The following DNMBP variants were observed in gnomAD, a reference collection of about 807,000 sequenced individuals.
DNMBP encodes the protein dynamin binding protein.
DNMBP carries 87 observed loss-of-function variants against 150.0 expected under a neutral mutation model. The ratio of observed to expected loss-of-function variants is 0.58; its 90% confidence interval spans 0.49 to 0.69. DNMBP has a LOEUF of 0.69. Ranked by LOEUF, DNMBP falls within the 30% of genes least tolerant of loss-of-function variation. The pLI is 0.00. For missense variants in DNMBP, 1,774 were observed against 1,949.0 expected, an observed-to-expected ratio of 0.91 and a Z score of 1.69; for synonymous variants, 711 against 750.4, an observed-to-expected ratio of 0.95 and a Z score of 0.86.
At chr10:99,918,127 A>T (rs971193997) in intron 4 of DNMBP, among the ~76,000 whole-genome samples, 11 of 152,064 alleles carry the variant, frequency 7.2e-5, no homozygotes, top group African/African-American at 2.7e-4. Context: ...ACACGTGCTC[A>T]TCTTCTCCCC....
At chr10:99,910,484 G>A (rs937212754) in intron 4 of DNMBP, among the ~76,000 whole-genome samples, 2 of 152,182 alleles carry the variant, frequency 1.3e-5, no homozygotes, top group Non-Finnish European at 1.5e-5. Flanking sequence ...AGGTTGCAGC[G>A]ACACGAGATA....
At position 100,007,155 on chromosome 10, in the gene DNMBP, C is replaced by T. The variant is rs552801836; in HGVS notation, c.-11+2683G>A. Among the ~76,000 whole-genome samples the T allele has an allele frequency of 2.0e-5, 3 of 152,020 alleles. No individual in the cohort carries two copies. In the South Asian group the frequency reaches 6.2e-4, roughly 32 times the overall value. The stretch of plus-strand genomic sequence containing the variant: ...TATCTCAGTAGAGGCTTTATTTGAC[C>T]CCTCTATATAAAAAGTAAATCCCCT... On this transcript the variant is annotated intron_variant, in intron 1 of 16. Transcript: ENST00000324109.
In DNMBP at chr10:99,894,930, T is replaced by G; in HGVS notation, c.3156+16A>C. The G allele has an allele frequency of 6.4e-7, 1 of 1,559,002 alleles. No individual in the cohort carries two copies. Among genetic ancestry groups the G allele is most frequent in the Non-Finnish European group, 8.8e-7 (1 of 1,130,090 alleles). On this transcript the variant is annotated intron_variant, in intron 11 of 16. Coordinates refer to ENST00000324109, the MANE Select transcript of DNMBP (RefSeq NM_015221.4). ...ACATCGTATGTTAATCTAACTACAG[T>G]GATGTTGATGCTCACCCGGATGTGC...
chr10:99,939,121 C>CAA (rs879724371), intron 4 of DNMBP, among the ~76,000 whole-genome samples: 1 of 141,364 alleles, frequency 7.1e-6, no homozygotes, highest in African/African-American at 2.6e-5. Flanking sequence ...AAAAGTGTGC[C>CAA]AAAAAAAAAA....
Position 99,956,525 on chromosome 10 carries a change from G to A in DNMBP, c.949C>T (p.Leu317Phe). ...AAAGAAGTTTCCGGGATCCTGGCAA[G>A]GCTGCCTTCCTGGGGCAGAGCCATG... ...ETMALPQEGS[L>F]ARIPETSLDC... is the part of the protein sequence containing the mutation. Residue 317 changes from leucine to phenylalanine, a missense_variant, in exon 4 of 17, where the codon CTT becomes TTT. Leu to Phe is a conservative substitution (Grantham distance 22). This residue lies in a region of DNMBP where 344 missense variants were observed against 456.6 expected (regional missense o/e 0.75). Coordinates refer to ENST00000324109, the MANE Select transcript of DNMBP (RefSeq NM_015221.4). 6.2e-7 allele frequency: 1 copy of A among 1,614,112 alleles called. No individual in the cohort carries two copies. The highest frequency in any genetic ancestry group is 8.5e-7 in the Non-Finnish European group (1 of 1,180,014).
Position 99,919,508 on chromosome 10 carries a change from A to G in DNMBP, c.2261-10362T>C, listed in dbSNP as rs570050124. ...ATTATAATCGTTTAAAGTTTTAATT[A>G]TAGGCTGGGTGCTGTGACTCACGCC... On this transcript the variant is annotated intron_variant, in intron 4 of 16. Transcript: ENST00000324109. Among the ~76,000 whole-genome samples the G allele has an allele frequency of 8.5e-5, 13 of 152,346 alleles. No individual in the cohort carries two copies. In the South Asian group the frequency reaches 2.1e-3, roughly 24 times the overall value.
chr10:99,986,582 A>G (rs10786580), intron 1 of DNMBP, among the ~76,000 whole-genome samples: 62,430 of 137,456 alleles, frequency 0.45, 15,317 homozygotes, highest in African/African-American at 0.62. Flanking sequence ...GAGACAGAGC[A>G]AGACTCCGTC....
chr10:100,000,869 A>AC (rs2041000733), intron 1 of DNMBP, among the ~76,000 whole-genome samples: 1 of 145,898 alleles, frequency 6.9e-6, no homozygotes, highest in Non-Finnish European at 1.5e-5. Flanking sequence ...CAAAAAAAAA[A>AC]AAAAAAAAAA....
intron 4 of DNMBP, chr10:99,929,793 C>A: frequency 1.4e-6 from 1 of 702,904 alleles, no homozygotes. Context: ...TCCTTGTTCT[C>A]CCCTGGTACA....
chr10:99,993,949 T>G (rs2040925071), intron 1 of DNMBP, among the ~76,000 whole-genome samples: 1 of 152,188 alleles, frequency 6.6e-6, no homozygotes, highest in Admixed American at 6.5e-5. Flanking sequence ...CACTTAATGT[T>G]TTAATAGATA....
Position 99,886,444 on chromosome 10 carries a change from C to T in DNMBP, c.3474G>A (p.Glu1158=). ...EELQSARNNY[E]ALNAQLLDEL... ...CATCCAGCAGCTGTGCATTCAGGGCCTCATAGTTGTTCCGGGCCGACTGCA... is the reference window on the plus strand; with the variant it reads ...CATCCAGCAGCTGTGCATTCAGGGCTTCATAGTTGTTCCGGGCCGACTGCA... Residue 1158 remains glutamate, a synonymous_variant, in exon 13 of 17, where the codon GAG becomes GAA. Transcript: ENST00000324109. 3 of 1,614,156 alleles carry T rather than the reference C, an allele frequency of 1.9e-6. No individual in the cohort carries two copies. The highest frequency in any genetic ancestry group is 2.5e-6 in the Non-Finnish European group (3 of 1,180,034).
chr10:99,979,968 G>C (rs2040765298), intron 1 of DNMBP, among the ~76,000 whole-genome samples: 1 of 152,090 alleles, frequency 6.6e-6, no homozygotes, highest in Admixed American at 6.5e-5. Flanking sequence ...TCCACACCTG[G>C]AGTACTTCCC....
intron 16 of DNMBP, 115 bp from the exon 17 acceptor site, chr10:99,877,451 C>T (rs1329509357): frequency 2.8e-6 from 2 of 709,404 alleles, no homozygotes; most frequent in African/African-American, 1.8e-5. Context: ...CTACTGAGCC[C>T]CTGAAATATG....
chr10:99,889,736 C>T (rs1231198071), intron 11 of DNMBP, among the ~76,000 whole-genome samples: 1 of 152,094 alleles, frequency 6.6e-6, no homozygotes, highest in Non-Finnish European at 1.5e-5. Flanking sequence ...TAGTCTATTT[C>T]AAGGGCAAAA....
intron 4 of DNMBP, among the ~76,000 whole-genome samples, chr10:99,939,067 GAA>G (rs1261667780): frequency 6.6e-6 from 1 of 151,786 alleles, no homozygotes; most frequent in Non-Finnish European, 1.5e-5. Context: ...GAAGGAGAGA[GAA>G]GAGACAGAGA....
At chr10:99,883,740 G>A (rs983064079) in intron 15 of DNMBP, among the ~76,000 whole-genome samples, 8 of 151,810 alleles carry the variant, frequency 5.3e-5, no homozygotes, top group Admixed American at 2.6e-4. Flanking sequence ...CCGTGAGGCA[G>A]GACTTCCTGC....
At chr10:99,896,241 T>C (rs2039650836) in intron 10 of DNMBP, 26 bp downstream of exon 10, 1 of 1,612,690 alleles carries the variant, frequency 6.2e-7, no homozygotes, top group East Asian at 2.2e-5. Flanking sequence ...AAAGATGCGC[T>C]AAGCCTTCCA....
chr10:99,905,112 G>A (rs1234741157), intron 6 of DNMBP, among the ~76,000 whole-genome samples: 1 of 152,070 alleles, frequency 6.6e-6, no homozygotes, highest in Non-Finnish European at 1.5e-5. Context: ...TATTTCAAGT[G>A]CCTTAAAAAA....
At chr10:99,975,964 G>C (rs1210758748) in intron 1 of DNMBP, among the ~76,000 whole-genome samples, 5 of 152,078 alleles carry the variant, frequency 3.3e-5, no homozygotes, top group Admixed American at 3.3e-4. Flanking sequence ...ATATGTTATT[G>C]GTTCCCATTT....
Sources: gnomAD v4.1 joint callset for allele counts (sites outside exome capture counted in the v4.1 genomes callset) on GRCh38, gnomAD v4.1.1 for gene constraint, gnomAD v4.1.1 regional missense constraint, MANE v1.5 for transcripts, NCBI Gene and HGNC (gene_info 2026-07-23, HGNC 2026-07-21) for gene names.